DST: variants seen among roughly 807,000 people sequenced by gnomAD.
DST encodes the protein dystonin, also known as bullous pemphigoid antigen.
A neutral mutation model predicts 875.2 loss-of-function variants in DST; 253 were observed. That is an observed-to-expected ratio of 0.29 (90% CI 0.26 to 0.32). DST has a LOEUF of 0.32. DST is among the 10% of genes least tolerant of loss of function. The pLI is 1.00. For synonymous variants in DST, 3,124 were observed against 3,197.1 expected (o/e 0.98, Z 0.77); for missense variants, 8,287 against 9,111.6 (o/e 0.91, Z 3.68).
At chr6:56,874,941 C>G (rs1010764228) in intron 3 of DST, among the ~76,000 whole-genome samples, 39 of 152,278 alleles carry the variant, frequency 2.6e-4, no homozygotes, top group African/African-American at 9.1e-4. Flanking sequence ...TCTAACAACT[C>G]CTGACTGAGC....
chr6:56,555,762 G>T lies in DST; in HGVS notation c.14719C>A (p.Pro4907Thr), dbSNP rs111918079. The T allele has an allele frequency of 6.3e-7, 1 of 1,593,806 alleles. No individual in the cohort carries two copies. Among genetic ancestry groups the T allele is most frequent in the East Asian group, 2.3e-5 (1 of 44,442 alleles). Residue 4907 changes from proline (P) to threonine (T), a missense_variant, in exon 60 of 104, where the codon CCT (proline) becomes ACT (threonine). This residue lies in a region of DST where 1,513 missense variants were observed against 1,677.8 expected (regional missense o/e 0.90). Transcript: ENST00000680361. ...CCACGTAAAGAAGGGTCTTCTCCAG[G>T]CCTGCTCAGAATGCCCTGACCAGCT... ...TAAGQGILSR[P>T]GEDPSLRGIV... is the part of the protein sequence containing the mutation.
intron 30 of DST, among the ~76,000 whole-genome samples, chr6:56,630,861 C>A (rs1332812177): frequency 6.6e-6 from 1 of 151,480 alleles, no homozygotes; most frequent in Non-Finnish European, 1.5e-5. Context: ...CGGCTCACTG[C>A]AACCTCCACC....
intron 4 of DST, among the ~76,000 whole-genome samples, chr6:56,783,234 T>G (rs1292194158): frequency 6.6e-6 from 1 of 152,236 alleles, no homozygotes; most frequent in Non-Finnish European, 1.5e-5. Flanking sequence ...TAGATGTCTA[T>G]TACGTCTGCT....
chr6:56,511,831 A>AAG (rs147190506), intron 72 of DST, among the ~76,000 whole-genome samples: 1,599 of 151,244 alleles, frequency 0.011, 32 homozygotes, highest in African/African-American at 0.037. Context: ...AAGAAAGAAA[A>AAG]AGAGAGAGAG....
Position 56,607,014 on chromosome 6 carries a change from A to C in DST, c.7614T>G (p.His2538Gln), listed in dbSNP as rs1161743655. ...SNTSGEDEKTHPGFQQMPEDK... is the reference protein window; with the variant it reads ...SNTSGEDEKTQPGFQQMPEDK... ...CTTCAGGCATCTGCTGAAAACCTGG[A>C]TGTGTTTTTTCATCCTCACCAGAAG... Residue 2538 changes from histidine to glutamine, a missense_variant, in exon 40 of 104, where the codon CAT (histidine) becomes CAG (glutamine). Around this residue, in one of 10 missense-constraint regions of DST, gnomAD observed 3,138 missense variants for 3,116.6 expected, o/e 1.01. Transcript: ENST00000680361. The C allele has an allele frequency of 6.2e-7, 1 of 1,613,402 alleles. No individual in the cohort carries two copies. Among genetic ancestry groups the C allele is most frequent in the South Asian group, 1.1e-5 (1 of 91,060 alleles).
At chr6:56,623,229 A>T (rs1353986943) in intron 36 of DST, among the ~76,000 whole-genome samples, 1 of 152,220 alleles carries the variant, frequency 6.6e-6, no homozygotes, top group African/African-American at 2.4e-5. Context: ...CTCATCAGAT[A>T]AATCGAGTAA....
intron 2 of DST, among the ~76,000 whole-genome samples, chr6:56,939,711 T>C (rs1173497656): frequency 1.3e-5 from 2 of 152,062 alleles, no homozygotes. Context: ...TGTCTATAGA[T>C]TACTCTTCCA....
At chr6:56,619,155 T>G (rs761199906) in intron 36 of DST, 1 of 1,614,106 alleles carries the variant, frequency 6.2e-7, no homozygotes, top group East Asian at 2.2e-5. Context: ...TCATTTGTGC[T>G]GCGTAGCTGA....
chr6:56,690,640 G>A (rs1347690861), intron 9 of DST, among the ~76,000 whole-genome samples: 1 of 152,136 alleles, frequency 6.6e-6, no homozygotes, highest in Non-Finnish European at 1.5e-5. Context: ...TGATCACATA[G>A]GGAAGCTATG....
Position 56,714,849 on chromosome 6 carries a change from C to T in DST, c.688-10480G>A, listed in dbSNP as rs1233077214. Among the ~76,000 whole-genome samples the T allele has an allele frequency of 6.6e-6, 1 of 152,208 alleles. No individual in the cohort carries two copies. The highest frequency in any genetic ancestry group is 1.5e-5 in the Non-Finnish European group (1 of 68,048). On this transcript the variant is annotated intron_variant, in intron 5 of 103. Transcript: ENST00000680361. The surrounding 1 kb of genome is among the most constrained non-coding windows in gnomAD (Gnocchi z 4.5). ...CTTACTTTTCCTACTAGGTCAAATT[C>T]TAACGTCATCCAGGCAGTGATGGTT...
At chr6:56,482,560 A>G in intron 89 of DST, 123 bp downstream of exon 89, 2 of 937,946 alleles carry the variant, frequency 2.1e-6, no homozygotes, top group African/African-American at 1.7e-5. Context: ...TGCTATTAGA[A>G]TTTCCTTCTT....
At chr6:56,560,511 T>A in intron 57 of DST, 88 bp from the exon 58 acceptor site, 5 of 1,366,484 alleles carry the variant, frequency 3.7e-6, no homozygotes, top group Admixed American at 2.5e-5. Flanking sequence ...TCTAGAATAA[T>A]GAAAAGAGGA....
At chr6:56,510,905 A>T (rs748218286) in intron 73 of DST, among the ~76,000 whole-genome samples, 1 of 152,162 alleles carries the variant, frequency 6.6e-6, no homozygotes, top group Non-Finnish European at 1.5e-5. Context: ...GGCAAATATT[A>T]CATTCTACTC....
chr6:56,543,116 C>T (rs780653611), intron 61 of DST, among the ~76,000 whole-genome samples: 2 of 152,166 alleles, frequency 1.3e-5, no homozygotes, highest in African/African-American at 2.4e-5. Flanking sequence ...AACCTGGCAC[C>T]GGGAGATCCG....
intron 2 of DST, among the ~76,000 whole-genome samples, chr6:56,913,534 G>C (rs1799619233): frequency 6.6e-6 from 1 of 152,158 alleles, no homozygotes; most frequent in African/African-American, 2.4e-5. Context: ...CACAAACACA[G>C]AGTTAAGTAG....
rs777800397 is a variant in DST at position 56,511,375 on chromosome 6, T to C, written c.18602A>G (p.His6201Arg). Residue 6201 changes from histidine (H) to arginine (R), a missense_variant, in exon 73 of 104, where the codon CAC becomes CGC. Physicochemically the swap from His to Arg is conservative, Grantham distance 29. This residue lies in a region of DST where 1,292 missense variants were observed against 1,552.7 expected (regional missense o/e 0.83). Transcript: ENST00000680361. ...GTTCATCTTATCTATATGAGGCTTGTGTTCAGCTATCAACTCACGCAGTTG... is the reference window on the plus strand; with the variant it reads ...GTTCATCTTATCTATATGAGGCTTGCGTTCAGCTATCAACTCACGCAGTTG... ...HRQLRELIAE[H>R]KPHIDKMNKT... is the part of the protein sequence containing the mutation. 2 of 1,606,538 alleles carry C rather than the reference T, an allele frequency of 1.2e-6. No homozygotes were observed. The highest frequency in any genetic ancestry group is 2.2e-5 in the South Asian group (2 of 89,404).
In DST at chr6:56,552,988, C is replaced by T. The variant is rs2152555720; in HGVS notation, c.15804G>A (p.Leu5268=). 6.2e-7 allele frequency: 1 copy of T among 1,613,954 alleles called. No homozygotes were observed. The highest frequency in any genetic ancestry group is 8.5e-7 in the Non-Finnish European group (1 of 1,179,878). Residue 5268 remains leucine, a synonymous_variant, in exon 61 of 104, where the codon CTG becomes CTA. Coordinates refer to ENST00000680361, the MANE Select transcript of DST (RefSeq NM_001374736.1). ...TEQLHSKKFC[L]ENMTQKFKEF... is the part of the protein sequence containing the mutation. The stretch of plus-strand genomic sequence containing the variant: ...CTTTAAACTTCTGAGTCATGTTCTC[C>T]AGACAGAATTTCTTACTGTGAAGTT...
At chr6:56,931,301 A>T (rs1216271816) in intron 2 of DST, among the ~76,000 whole-genome samples, 1 of 152,160 alleles carries the variant, frequency 6.6e-6, no homozygotes, top group African/African-American at 2.4e-5. Flanking sequence ...GAAGTCAAGA[A>T]TTTGGGTTTG....
chr6:56,754,361 C>T (rs1019502702), intron 4 of DST, among the ~76,000 whole-genome samples: 4 of 152,128 alleles, frequency 2.6e-5, no homozygotes, highest in African/African-American at 9.7e-5. Flanking sequence ...TTTATTTCTG[C>T]GATGGGGTCT....
Sources: gnomAD v4.1 joint callset for allele counts (sites outside exome capture counted in the v4.1 genomes callset) on GRCh38, gnomAD v4.1.1 for gene constraint, gnomAD v4.1.1 regional missense constraint, Gnocchi (gnomAD v3.1) non-coding constraint, MANE v1.5 for transcripts, NCBI Gene and HGNC (gene_info 2026-07-23, HGNC 2026-07-21) for gene names.